The following NBR1 variants were observed in gnomAD, a reference collection of about 807,000 sequenced individuals.
The protein encoded by NBR1 is NBR1 autophagy cargo receptor, also known as next to BRCA1 gene 1 protein.
Under a neutral mutation model 115.5 loss-of-function variants are expected in NBR1, and 59 were observed. The observed-to-expected ratio is 0.51, with a 90% confidence interval of 0.41 to 0.63. The LOEUF is 0.63. Among genes scored for constraint, NBR1 ranks in the 30% least tolerant of loss-of-function variants. NBR1 has a pLI of 0.00. For missense variants in NBR1, 1,043 were observed against 1,150.5 expected (o/e 0.91, Z 1.35); for synonymous variants, 373 against 414.7 (o/e 0.90, Z 1.22).
chr17:43,190,578 C>T (rs1308219659), intron 8 of NBR1, 31 bp from the exon 9 acceptor site: 1 of 1,553,524 alleles, frequency 6.4e-7, no homozygotes, highest in Non-Finnish European at 8.7e-7. Context: ...CCTATTCTGC[C>T]ATTGTGTATT....
chr17:43,171,659 A>G (rs527481475), intron 1 of NBR1, among the ~76,000 whole-genome samples: 1 of 152,200 alleles, frequency 6.6e-6, no homozygotes, highest in East Asian at 1.9e-4. Flanking sequence ...ACTAGGATGA[A>G]CTCTGCAAGT....
At chr17:43,207,247 G>A (rs1378665843) in intron 20 of NBR1, among the ~76,000 whole-genome samples, 1 of 152,134 alleles carries the variant, frequency 6.6e-6, no homozygotes, top group East Asian at 1.9e-4. Flanking sequence ...TATCTATGAC[G>A]GTTGGCTCCA....
chr17:43,201,724 T>A lies in NBR1; in HGVS notation c.2507T>A (p.Val836Glu), dbSNP rs745459655. ...GTACATCATCATGGTTCCCCAGGAG[T>A]GGATTTACCAGTTACCATACCAGAA... Reference protein sequence around the residue: ...PCVHHHGSPGVDLPVTIPEVS... With the variant: ...PCVHHHGSPGEDLPVTIPEVS... Residue 836 changes from valine (V) to glutamate (E), a missense_variant, in exon 18 of 21, where the codon GTG becomes GAG. By Grantham distance (121) the Val-to-Glu change is moderately radical. Coordinates refer to ENST00000590996, the MANE Select transcript of NBR1 (RefSeq NM_005899.5). 2 of 1,609,126 alleles carry A rather than the reference T, an allele frequency of 1.2e-6. No homozygotes were observed. The highest frequency in any genetic ancestry group is 2.2e-5 in the South Asian group (2 of 90,958).
intron 5 of NBR1, among the ~76,000 whole-genome samples, chr17:43,185,455 C>T (rs36062488): frequency 0.55 from 83,016 of 151,932 alleles, 24,427 homozygotes; most frequent in Non-Finnish European, 0.66. Flanking sequence ...GTCCCAGTTA[C>T]TCAGGAGGCT....
intron 4 of NBR1, 139 bp downstream of exon 4, chr17:43,179,551 G>C: frequency 1.2e-6 from 1 of 816,858 alleles, no homozygotes; most frequent in Non-Finnish European, 2.0e-6. Context: ...TTACCTAGGG[G>C]ATTTTATTGT....
chr17:43,199,788 A>G (rs1178362328), intron 16 of NBR1, among the ~76,000 whole-genome samples: 1 of 152,102 alleles, frequency 6.6e-6, no homozygotes, highest in African/African-American at 2.4e-5. Context: ...TAATCCTGCA[A>G]TACTCATCTC....
At chr17:43,208,943 G>A (rs1327062830) in intron 20 of NBR1, among the ~76,000 whole-genome samples, 1 of 152,008 alleles carries the variant, frequency 6.6e-6, no homozygotes, top group Non-Finnish European at 1.5e-5. Context: ...CACCAGCCTG[G>A]GGAACAGAGT....
At chr17:43,194,311 T>C (rs1385938303) in intron 12 of NBR1, 39 bp from the exon 13 acceptor site, 2 of 1,575,900 alleles carry the variant, frequency 1.3e-6, no homozygotes, top group Non-Finnish European at 1.7e-6. Context: ...TCAGTTCTGT[T>C]GAAGGCCTAA....
At chr17:43,208,973 CAAACA>C (rs1324557444) in intron 20 of NBR1, among the ~76,000 whole-genome samples, 1 of 151,942 alleles carries the variant, frequency 6.6e-6, no homozygotes, top group East Asian at 1.9e-4. Context: ...TCTCAAAAAA[CAAACA>C]AAACAACAAC....
At position 43,191,375 on chromosome 17, in the gene NBR1, C is replaced by T. The variant is rs773632845; in HGVS notation, c.867C>T (p.Leu289=). The change falls in exon 10 of 21, where the codon CTC becomes CTT. Residue 289 remains leucine (L), a synonymous_variant. Transcript: ENST00000590996. ...RLPAALEQVR[L]QKQVDKNFLK... Reference sequence around the variant, plus strand: ...ACTTGCTTTTATTATCTCACAGGCTCCAGAAACAGGTTGATAAGAACTTTC... The same window carrying T: ...ACTTGCTTTTATTATCTCACAGGCTTCAGAAACAGGTTGATAAGAACTTTC... The T allele has an allele frequency of 3.8e-4, 608 of 1,610,246 alleles. 3 individuals carry two copies. The highest frequency in any genetic ancestry group is 1.9e-5 in the Non-Finnish European group (22 of 1,177,438).
chr17:43,179,881 G>C (rs1431351713), intron 4 of NBR1, among the ~76,000 whole-genome samples: 2 of 124,986 alleles, frequency 1.6e-5, no homozygotes, highest in South Asian at 5.9e-4. Context: ...CAGGTGAAAT[G>C]ATAGTATTAA....
intron 6 of NBR1, among the ~76,000 whole-genome samples, chr17:43,187,116 A>G (rs2056821911): frequency 1.3e-5 from 2 of 152,184 alleles, no homozygotes; most frequent in African/African-American, 4.8e-5. Context: ...CAATGGTTGA[A>G]CTAATTTACA....
chr17:43,172,077 G>A (rs1193628089), intron 1 of NBR1, among the ~76,000 whole-genome samples: 1 of 152,182 alleles, frequency 6.6e-6, no homozygotes, highest in African/African-American at 2.4e-5. Flanking sequence ...TCGACGTGGA[G>A]GAAAAGCTAA....
chr17:43,206,283 A>G (rs1320566904), intron 20 of NBR1, among the ~76,000 whole-genome samples: 2 of 152,206 alleles, frequency 1.3e-5, no homozygotes, highest in Non-Finnish European at 2.9e-5. Flanking sequence ...GAGCAATTGA[A>G]GGGTTTTAAG....
At position 43,193,098 on chromosome 17, in the gene NBR1, C is replaced by T; in HGVS notation, c.1078C>T (p.Pro360Ser). The T allele has an allele frequency of 6.2e-7, 1 of 1,613,306 alleles. No homozygotes were observed. ...SLLQSNTLMLPLQPCTSVMPM... is the reference protein window; with the variant it reads ...SLLQSNTLMLSLQPCTSVMPM... ...AGCATCTGAATTTCTGTTCAGGCTC[C>T]CTTTGCAGCCCTGTACCTCCGTTAT... The change falls in exon 11 of 21, where the codon CCT becomes TCT. Residue 360 changes from proline to serine, a missense_variant. Physicochemically the swap from Pro to Ser is moderately conservative, Grantham distance 74 (BLOSUM62 -1). Coordinates refer to ENST00000590996, the MANE Select transcript of NBR1 (RefSeq NM_005899.5).
At chr17:43,194,839 G>C (rs1410114971) in intron 13 of NBR1, 125 bp from the exon 14 acceptor site, 1 of 716,410 alleles carries the variant, frequency 1.4e-6, no homozygotes, top group East Asian at 2.8e-5. Flanking sequence ...GTTTTCACTT[G>C]TCTGGGGACA....
chr17:43,202,453 CA>C (rs1030053539), intron 18 of NBR1, among the ~76,000 whole-genome samples: 4 of 151,160 alleles, frequency 2.6e-5, no homozygotes, highest in Non-Finnish European at 5.9e-5. Context: ...AATAAACAAT[CA>C]TCTTGCATTG....
chr17:43,185,355 C>A (rs1056153847), intron 5 of NBR1, among the ~76,000 whole-genome samples: 1 of 152,132 alleles, frequency 6.6e-6, no homozygotes, highest in African/African-American at 2.4e-5. Flanking sequence ...GGGCGGAGCC[C>A]GGGAGTTCGA....
intron 20 of NBR1, among the ~76,000 whole-genome samples, chr17:43,204,706 T>G (rs1329061661): frequency 3.3e-5 from 5 of 150,152 alleles, no homozygotes; most frequent in African/African-American, 1.2e-4. Context: ...TCCCAGCTAC[T>G]CGGGAGGCTG....
Sources: gnomAD v4.1 joint callset for allele counts (sites outside exome capture counted in the v4.1 genomes callset) on GRCh38, gnomAD v4.1.1 for gene constraint, MANE v1.5 for transcripts, NCBI Gene and HGNC (gene_info 2026-07-23, HGNC 2026-07-21) for gene names.